Variants in RRBP1 observed in about 807,000 individuals in gnomAD.
RRBP1 encodes the protein ribosome binding protein 1, also known as ribosome-binding protein 1.
Under a neutral mutation model 165.2 loss-of-function variants are expected in RRBP1, and 94 were observed. The ratio of observed to expected loss-of-function variants is 0.57; its 90% CI spans 0.48 to 0.68. RRBP1 has a LOEUF of 0.68. Among genes scored for constraint, RRBP1 ranks in the 30% least tolerant of loss-of-function variants. RRBP1 has a pLI of 0.00. For missense variants in RRBP1, 1,676 were observed against 1,763.0 expected (o/e 0.95, Z 0.88); for synonymous variants, 680 against 714.5 (o/e 0.95, Z 0.77).
At chr20:17,630,789 G>T (rs912042173) in intron 8 of RRBP1, among the ~76,000 whole-genome samples, 1 of 152,250 alleles carries the variant, frequency 6.6e-6, no homozygotes, top group Non-Finnish European at 1.5e-5. Flanking sequence ...TTGTCTGGGG[G>T]CAGAACCAGG....
chr20:17,641,916 T>C lies in RRBP1; in HGVS notation c.2065A>G (p.Thr689Ala), dbSNP rs757435512. 23 of 1,613,166 alleles carry C rather than the reference T, an allele frequency of 1.4e-5. No homozygotes were observed. Among genetic ancestry groups the C allele is most frequent in the East Asian group, 2.2e-5 (1 of 44,832 alleles). The stretch of plus-strand genomic sequence containing the variant: ...ATCGCCACAGGGTCACCCTTCTGAG[T>C]GGCCTAGAAATACCCAGAGATGCGT... ...GIIQDTWHKATQKGDPVAILK... is the reference protein window; with the variant it reads ...GIIQDTWHKAAQKGDPVAILK... The change falls in exon 5 of 25, where the codon ACT becomes GCT. Residue 689 changes from threonine to alanine, a missense_variant. Around this residue, in one of 5 missense-constraint regions of RRBP1, gnomAD observed 1,184 missense variants for 1,167.1 expected, o/e 1.01. Transcript: ENST00000377813.
intron 3 of RRBP1, among the ~76,000 whole-genome samples, chr20:17,646,593 T>C (rs2036466821): frequency 1.3e-5 from 2 of 152,220 alleles, no homozygotes; most frequent in African/African-American, 4.8e-5. Flanking sequence ...CTTGGAACCA[T>C]GCCTGGCGCA....
chr20:17,665,650 A>G (rs577176404), intron 2 of RRBP1, among the ~76,000 whole-genome samples: 12 of 152,274 alleles, frequency 7.9e-5, no homozygotes, highest in African/African-American at 1.2e-4. Flanking sequence ...CCATACTCCT[A>G]TGCTTTTAGG....
At chr20:17,626,531 G>T (rs934035481) in intron 11 of RRBP1, among the ~76,000 whole-genome samples, 3 of 152,178 alleles carry the variant, frequency 2.0e-5, no homozygotes, top group Non-Finnish European at 4.4e-5. Context: ...TTGGTGACGA[G>T]GGTCAGGACA....
intron 4 of RRBP1, among the ~76,000 whole-genome samples, chr20:17,642,531 G>A (rs960391351): frequency 6.6e-6 from 1 of 152,178 alleles, no homozygotes; most frequent in Non-Finnish European, 1.5e-5. Context: ...GAAGGAATGT[G>A]CCACGCAGCA....
chr20:17,624,793 C>T (rs2035984650), intron 12 of RRBP1, 125 bp from the exon 13 acceptor site: 1 of 688,300 alleles, frequency 1.5e-6, no homozygotes, highest in Non-Finnish European at 2.5e-6. Flanking sequence ...GAGGACCTGC[C>T]ACGGGACAAA....
intron 5 of RRBP1, among the ~76,000 whole-genome samples, chr20:17,639,461 G>C (rs1600747449): frequency 6.6e-6 from 1 of 152,192 alleles, no homozygotes; most frequent in African/African-American, 2.4e-5. Flanking sequence ...GAAGGGACTA[G>C]AACAAGAAAC....
At chr20:17,649,766 T>C (rs1171888484) in intron 3 of RRBP1, among the ~76,000 whole-genome samples, 2 of 151,962 alleles carry the variant, frequency 1.3e-5, no homozygotes, top group Non-Finnish European at 2.9e-5. Flanking sequence ...CGACTTGGGA[T>C]TTTAGGTTAC....
rs6105790 is a variant in RRBP1 at position 17,681,236 on chromosome 20, C to G, written c.-99+792G>C. 8.1e-5 allele frequency among the ~76,000 whole-genome samples: 12 copies of G among 148,506 alleles called. No homozygotes were observed. The East Asian group carries it at 2.0e-3, about 24-fold the overall frequency. On this transcript the variant is annotated intron_variant, in intron 1 of 24. Coordinates refer to ENST00000377813, the MANE Select transcript of RRBP1 (RefSeq NM_001365613.2). ...CCGGGCCCCGGGCGCCCTCGTCCCC[C>G]CGCCGGGAGCCCTCGAGCCAGGCTC...
intron 8 of RRBP1, among the ~76,000 whole-genome samples, chr20:17,630,292 T>A (rs560414778): frequency 2.6e-5 from 4 of 152,178 alleles, no homozygotes; most frequent in African/African-American, 9.7e-5. Context: ...ACTAGCGACA[T>A]TTCCCAATCC....
At chr20:17,657,259 G>C (rs994248309) in intron 3 of RRBP1, among the ~76,000 whole-genome samples, 1 of 152,260 alleles carries the variant, frequency 6.6e-6, no homozygotes, top group Non-Finnish European at 1.5e-5. Context: ...CACCTGATCT[G>C]GGCTGGGCAG....
intron 2 of RRBP1, among the ~76,000 whole-genome samples, chr20:17,671,984 G>A (rs2036987990): frequency 6.6e-6 from 1 of 152,184 alleles, no homozygotes; most frequent in South Asian, 2.1e-4. Context: ...TCAAAGAAAA[G>A]GGAGCACGTG....
chr20:17,623,066 G>A (rs549172277), intron 13 of RRBP1: 8 of 152,352 alleles, frequency 5.3e-5, no homozygotes, highest in African/African-American at 1.7e-4. Context: ...CTCTAGTTGT[G>A]AGTCAAGGCA....
chr20:17,620,189 T>TA (rs2035883155), intron 18 of RRBP1, 110 bp downstream of exon 18: 2 of 814,558 alleles, frequency 2.5e-6, no homozygotes, highest in Non-Finnish European at 4.2e-6. Flanking sequence ...ATGCCTCTCT[T>TA]AAGGCACACG....
At chr20:17,661,111 C>T (rs1306479614) in intron 2 of RRBP1, among the ~76,000 whole-genome samples, 1 of 152,244 alleles carries the variant, frequency 6.6e-6, no homozygotes, top group African/African-American at 2.4e-5. Context: ...AACACATCTG[C>T]AGGCTTTCAG....
Position 17,673,928 on chromosome 20 carries a change from C to T in RRBP1, c.-22+6071G>A, listed in dbSNP as rs566562000. On this transcript the variant is annotated intron_variant, in intron 2 of 24. Coordinates refer to ENST00000377813, the MANE Select transcript of RRBP1 (RefSeq NM_001365613.2). ...GCATTGACTCCTTCCTCCCCTCAAT[C>T]ACTGTGATTACTATTCTGAAAATTA... 5.3e-5 allele frequency among the ~76,000 whole-genome samples: 8 copies of T among 152,362 alleles called. No individual in the cohort carries two copies. In the South Asian group the frequency reaches 1.7e-3, roughly 32 times the overall value.
At chr20:17,636,784 A>G (rs2036256634) in intron 5 of RRBP1, 55 bp from the exon 6 acceptor site, 4 of 1,602,790 alleles carry the variant, frequency 2.5e-6, no homozygotes, top group Non-Finnish European at 2.6e-6. Flanking sequence ...GCAGGAGCCT[A>G]TCAGAAGGGA....
chr20:17,627,563 TTC>T lies in RRBP1; in HGVS notation c.2867_2868del (p.Arg956AsnfsTer5). ...ARAENSQLTE[R>X]IRSIEALLEA... is the part of the protein sequence containing the mutation. Reference sequence around the variant, plus strand: ...TCCAGCAGGGCCTCAATGGAACGGATTCTCTCTGTGAGCTGGGAGTTCTCCGC... The same window carrying T: ...TCCAGCAGGGCCTCAATGGAACGGATTCTCTGTGAGCTGGGAGTTCTCCGC... On this transcript the variant is annotated frameshift_variant, in exon 10 of 25. Coordinates refer to ENST00000377813, the MANE Select transcript of RRBP1 (RefSeq NM_001365613.2). LOFTEE classifies it high-confidence loss of function. The T allele has an allele frequency of 6.2e-7, 1 of 1,613,500 alleles. No homozygotes were observed. Among genetic ancestry groups the T allele is most frequent in the Non-Finnish European group, 8.5e-7 (1 of 1,179,928 alleles).
chr20:17,675,138 C>G (rs1313505362), intron 2 of RRBP1, among the ~76,000 whole-genome samples: 1 of 152,236 alleles, frequency 6.6e-6, no homozygotes, highest in African/African-American at 2.4e-5. Context: ...TCACTTCAAA[C>G]CCCAGCCTCC....
Sources: allele counts gnomAD v4.1 joint callset (sites outside exome capture counted in the v4.1 genomes callset), GRCh38; gene constraint gnomAD v4.1.1; regional missense constraint gnomAD v4.1.1; transcripts MANE v1.5; gene names NCBI Gene and HGNC (gene_info 2026-07-23, HGNC 2026-07-21).